Variants in SIK3 observed in about 807,000 individuals in gnomAD.
The protein encoded by SIK3 is serine/threonine-protein kinase SIK3.
SIK3 carries 28 observed loss-of-function variants against 144.2 expected under a neutral mutation model. That is an observed-to-expected ratio of 0.19 (90% confidence interval 0.14 to 0.27). The LOEUF (loss-of-function observed/expected upper bound fraction) is 0.27, where lower values mean the gene tolerates loss of function less well. SIK3 is among the 10% of genes least tolerant of loss of function. The pLI is 1.00. For synonymous variants in SIK3, 686 were observed against 676.3 expected (o/e 1.01, Z -0.22); for missense variants, 1,319 against 1,776.0 (o/e 0.74, Z 4.62).
intron 3 of SIK3, among the ~76,000 whole-genome samples, chr11:116,934,681 A>G (rs983895409): frequency 2.0e-5 from 3 of 152,238 alleles, no homozygotes; most frequent in African/African-American, 7.2e-5. Flanking sequence ...ATACTTAATA[A>G]TTATAGATTA....
rs367650098 is a variant in SIK3, at chr11:116,858,380, C to A, written c.3085G>T (p.Gly1029Cys). 3.7e-6 allele frequency: 6 copies of A among 1,613,464 alleles called. No homozygotes were observed. The highest frequency in any genetic ancestry group is 1.7e-5 in the Admixed American group (1 of 59,924). The change falls in exon 21 of 25, where the codon GGC (glycine) becomes TGC (cysteine). Residue 1029 changes from glycine to cysteine, a missense_variant. Coordinates refer to ENST00000445177, the MANE Select transcript of SIK3 (RefSeq NM_001366686.3). The surrounding 1 kb of genome is among the most constrained non-coding windows in gnomAD (Gnocchi z 5.4). ...GGGGGCAGCCGGATGTCCGAGTGGC[C>A]GGTGAGCGAATGCCGGGGAGAAAGC... ...GLLSPRHSLT[G>C]HSDIRLPPTE... is the part of the protein sequence containing the mutation.
At chr11:116,893,326 T>A (rs1232465970) in intron 6 of SIK3, among the ~76,000 whole-genome samples, 2 of 152,024 alleles carry the variant, frequency 1.3e-5, no homozygotes, top group African/African-American at 4.8e-5. Context: ...AGAGGGTACA[T>A]GCAAACTGTG....
intron 16 of SIK3, 142 bp downstream of exon 16, chr11:116,863,526 G>A: frequency 7.9e-7 from 1 of 1,261,590 alleles, no homozygotes; most frequent in Non-Finnish European, 1.1e-6. Context: ...ACTGCGCCCG[G>A]CCCAGAAAGC....
intron 13 of SIK3, 65 bp from the exon 14 acceptor site, chr11:116,870,466 T>A: frequency 6.2e-7 from 1 of 1,607,904 alleles, no homozygotes; most frequent in Non-Finnish European, 8.5e-7. Context: ...CTTACTCTAG[T>A]AACTGGGCTT....
At chr11:116,981,087 A>G (rs1337718524) in intron 1 of SIK3, among the ~76,000 whole-genome samples, 1 of 152,172 alleles carries the variant, frequency 6.6e-6, no homozygotes, top group Non-Finnish European at 1.5e-5. Context: ...TTACCTGTCA[A>G]TCGATGCATA....
chr11:117,080,866 C>T (rs372567135), intron 1 of SIK3, among the ~76,000 whole-genome samples: 5 of 152,020 alleles, frequency 3.3e-5, no homozygotes, highest in East Asian at 1.9e-4. Context: ...GAGAATCACT[C>T]GAATCTGGGA....
chr11:116,885,030 T>C (rs981725606), intron 6 of SIK3, among the ~76,000 whole-genome samples: 16 of 152,116 alleles, frequency 1.1e-4, no homozygotes, highest in Non-Finnish European at 5.9e-5. Context: ...CAGTAAGATA[T>C]CAGAAAAGAA....
At chr11:116,993,299 G>A (rs1048934686) in intron 1 of SIK3, among the ~76,000 whole-genome samples, 5 of 152,136 alleles carry the variant, frequency 3.3e-5, no homozygotes, top group African/African-American at 1.2e-4. Flanking sequence ...ATCTAGAAAC[G>A]CAACTATGCC....
chr11:116,970,075 A>G (rs1299559289), intron 1 of SIK3, among the ~76,000 whole-genome samples: 1 of 152,218 alleles, frequency 6.6e-6, no homozygotes, highest in African/African-American at 2.4e-5. Flanking sequence ...CAGGAGCTTC[A>G]GACCAGCCTA....
At chr11:116,900,525 C>G (rs753102126) in intron 4 of SIK3, among the ~76,000 whole-genome samples, 1 of 152,206 alleles carries the variant, frequency 6.6e-6, no homozygotes. Flanking sequence ...GAGTCTTCAT[C>G]TCAGCATTGT....
At chr11:116,995,503 TCCAC>T (rs893733050) in intron 1 of SIK3, among the ~76,000 whole-genome samples, 3 of 151,942 alleles carry the variant, frequency 2.0e-5, no homozygotes, top group Non-Finnish European at 4.4e-5. Context: ...GCTCAAGGCA[TCCAC>T]CCACCTCAAC....
chr11:116,863,284 T>C (rs552574763), intron 16 of SIK3, among the ~76,000 whole-genome samples: 15 of 152,266 alleles, frequency 9.9e-5, no homozygotes, highest in South Asian at 8.3e-4. Flanking sequence ...CAGAGTCTCG[T>C]TCTGTTGCCA....
At chr11:117,015,088 T>TA (rs1384681438) in intron 1 of SIK3, among the ~76,000 whole-genome samples, 5 of 151,932 alleles carry the variant, frequency 3.3e-5, no homozygotes, top group African/African-American at 1.2e-4. Context: ...GTTTTTAATT[T>TA]AAAAAAAATT....
chr11:116,907,633 G>T (rs949954477), intron 4 of SIK3, among the ~76,000 whole-genome samples: 1 of 152,068 alleles, frequency 6.6e-6, no homozygotes, highest in African/African-American at 2.4e-5. Context: ...GGTGACAAGA[G>T]CAAAACACTG....
At chr11:116,887,958 A>C (rs909278687) in intron 6 of SIK3, among the ~76,000 whole-genome samples, 4 of 152,250 alleles carry the variant, frequency 2.6e-5, no homozygotes, top group African/African-American at 9.6e-5. Context: ...CAAACAAACA[A>C]CACCAGGCAT....
intron 1 of SIK3, chr11:117,035,674 C>A: frequency 1.5e-6 from 1 of 680,510 alleles, no homozygotes; most frequent in African/African-American, 1.8e-5. Flanking sequence ...CCCACCTTAG[C>A]CTCCAGAGTA....
intron 1 of SIK3, among the ~76,000 whole-genome samples, chr11:117,000,588 A>G (rs771276650): frequency 2.0e-5 from 3 of 152,350 alleles, no homozygotes; most frequent in Middle Eastern, 3.4e-3. Flanking sequence ...TATAAAAGTA[A>G]CATTAGATCC....
At chr11:117,088,870 T>G (rs1955126084) in intron 1 of SIK3, among the ~76,000 whole-genome samples, 1 of 151,874 alleles carries the variant, frequency 6.6e-6, no homozygotes, top group Non-Finnish European at 1.5e-5. Flanking sequence ...TTTGCAGAGA[T>G]AAGGTCTCAC....
At chr11:117,062,191 C>T (rs1591634679) in intron 1 of SIK3, among the ~76,000 whole-genome samples, 2 of 151,992 alleles carry the variant, frequency 1.3e-5, no homozygotes, top group East Asian at 3.9e-4. Context: ...CAGGCGTGAA[C>T]TCCACTGTGC....
Sources: gnomAD v4.1 joint callset for allele counts (sites outside exome capture counted in the v4.1 genomes callset) on GRCh38, gnomAD v4.1.1 for gene constraint, Gnocchi (gnomAD v3.1) non-coding constraint, MANE v1.5 for transcripts, NCBI Gene and HGNC (gene_info 2026-07-23, HGNC 2026-07-21) for gene names.